Variants in SPINT1 observed in about 807,000 individuals in gnomAD.
The protein encoded by SPINT1 is serine peptidase inhibitor, Kunitz type 1.
In SPINT1, 38 loss-of-function variants were observed where a neutral mutation model predicts 53.7. That is an observed-to-expected ratio of 0.71 (90% CI 0.55 to 0.93). SPINT1 has a LOEUF of 0.93. Among genes scored for constraint, SPINT1 ranks in the 40% least tolerant of loss-of-function variants. SPINT1 has a pLI of 0.00. For synonymous variants in SPINT1, 283 were observed against 280.6 expected (o/e 1.01, Z -0.08); for missense variants, 645 against 692.9 (o/e 0.93, Z 0.78).
intron 2 of SPINT1, among the ~76,000 whole-genome samples, chr15:40,850,581 A>G (rs1891427133): frequency 6.6e-6 from 1 of 152,124 alleles, no homozygotes; most frequent in Non-Finnish European, 1.5e-5. Flanking sequence ...AACTTCTCTT[A>G]TGACTTAACC....
chr15:40,846,395 G>A (rs1891298494), intron 2 of SPINT1, among the ~76,000 whole-genome samples: 1 of 152,090 alleles, frequency 6.6e-6, no homozygotes, highest in South Asian at 2.1e-4. Flanking sequence ...TCTCACTCAG[G>A]CCTCATCACA....
Position 40,854,500 on chromosome 15 carries a change from C to T in SPINT1, c.1044C>T (p.Ser348=), listed in dbSNP as rs1245034856. The stretch of plus-strand genomic sequence containing the variant: ...ACACCCCCAACTGCCCCGACGCCTC[C>T]GACGAGGCTGCCTGTGAAAAATGTG... ...CDDTPNCPDA[S]DEAACEKYTS... The change falls in exon 7 of 11, where the codon TCC becomes TCT. Residue 348 remains serine, a synonymous_variant. Transcript: ENST00000562057. 5 of 1,613,334 alleles carry T rather than the reference C, an allele frequency of 3.1e-6. No individual in the cohort carries two copies. Among genetic ancestry groups the T allele is most frequent in the Middle Eastern group, 1.6e-4 (1 of 6,076 alleles).
intron 2 of SPINT1, among the ~76,000 whole-genome samples, chr15:40,848,982 C>T (rs1305790726): frequency 1.3e-5 from 2 of 148,756 alleles, no homozygotes; most frequent in Admixed American, 6.7e-5. Flanking sequence ...CGCGGTGGGT[C>T]ACGCCTGTAA....
At chr15:40,851,195 C>T (rs1566855036) in intron 2 of SPINT1, among the ~76,000 whole-genome samples, 1 of 151,434 alleles carries the variant, frequency 6.6e-6, no homozygotes, top group Non-Finnish European at 1.5e-5. Context: ...TGCTCTGTTG[C>T]CAGGCTGGAG....
intron 2 of SPINT1, among the ~76,000 whole-genome samples, chr15:40,849,974 G>A (rs1891409186): frequency 6.6e-6 from 1 of 152,248 alleles, no homozygotes; most frequent in Non-Finnish European, 1.5e-5. Context: ...ACATGTAAAT[G>A]TGTGGGCAAG....
intron 8 of SPINT1, 48 bp downstream of exon 8, chr15:40,854,737 C>A: frequency 6.2e-7 from 1 of 1,607,088 alleles, no homozygotes; most frequent in Non-Finnish European, 8.5e-7. Context: ...GCTGACACTG[C>A]CATCCTCACT....
At chr15:40,851,290 A>G (rs1050503747) in intron 2 of SPINT1, among the ~76,000 whole-genome samples, 2 of 151,644 alleles carry the variant, frequency 1.3e-5, no homozygotes, top group African/African-American at 4.8e-5. Context: ...AGTAGCTGGG[A>G]TTACAGACAT....
chr15:40,853,555 G>C lies in SPINT1; in HGVS notation c.670G>C (p.Val224Leu). 2 of 1,614,086 alleles carry C rather than the reference G, an allele frequency of 1.2e-6. No homozygotes were observed. The highest frequency in any genetic ancestry group is 2.2e-5 in the South Asian group (2 of 91,076). ...AGGCACCTACCTGTTCCAGCTGACA[G>C]TGACTAGCTCAGACCACCCAGAGGA... ...KEGTYLFQLT[V>L]TSSDHPEDTA... The change falls in exon 4 of 11, where the codon GTG becomes CTG. Residue 224 changes from valine (V) to leucine (L), a missense_variant. Physicochemically the swap from Val to Leu is conservative, Grantham distance 32. Coordinates refer to ENST00000562057, the MANE Select transcript of SPINT1 (RefSeq NM_003710.4).
At chr15:40,849,200 C>G (rs969998046) in intron 2 of SPINT1, among the ~76,000 whole-genome samples, 1 of 151,232 alleles carries the variant, frequency 6.6e-6, no homozygotes, top group Non-Finnish European at 1.5e-5. Context: ...GAGCCAAGAT[C>G]ACGCCACTGC....
chr15:40,854,813 G>T lies in SPINT1; in HGVS notation c.1117+124G>T, dbSNP rs1162396990. On this transcript the variant is annotated intron_variant, in intron 8 of 10. Coordinates refer to ENST00000562057, the MANE Select transcript of SPINT1 (RefSeq NM_003710.4). ...GGGCCTGTGGGCACAAAGAGCCAGGGTGGGCTCCCCGTTCTCCAGATGGCT... is the reference window on the plus strand; with the variant it reads ...GGGCCTGTGGGCACAAAGAGCCAGGTTGGGCTCCCCGTTCTCCAGATGGCT... 3 of 1,252,854 alleles carry T rather than the reference G, an allele frequency of 2.4e-6. No homozygotes were observed. In the African/African-American group the frequency reaches 4.5e-5, roughly 19 times the overall value. 77.6% of individuals were successfully genotyped at this position (1,252,854 alleles called of 1,614,324 possible). A position where few individuals can be genotyped will look rare whatever the true frequency, so the allele number is the denominator to read the frequency against.
intron 2 of SPINT1, among the ~76,000 whole-genome samples, chr15:40,847,129 A>G (rs1891320418): frequency 6.6e-6 from 1 of 152,182 alleles, no homozygotes; most frequent in Non-Finnish European, 1.5e-5. Flanking sequence ...GTTTGCCACA[A>G]GAGAGGGTGG....
Position 40,853,854 on chromosome 15 carries a change from T to C in SPINT1, c.886T>C (p.Cys296Arg). 1 of 1,613,996 alleles carries C rather than the reference T, an allele frequency of 6.2e-7. No homozygotes were observed. Among genetic ancestry groups the C allele is most frequent in the Non-Finnish European group, 8.5e-7 (1 of 1,179,998 alleles). The change falls in exon 5 of 11, where the codon TGC (cysteine) becomes CGC (arginine). Residue 296 changes from cysteine (C) to arginine (R), a missense_variant. Cys to Arg is a radical substitution (Grantham distance 180). Transcript: ENST00000562057. ...NKNNYLREEE[C>R]ILACRGVQGP... ...GAACAACTACCTTCGGGAAGAAGAG[T>C]GCATTCTAGCCTGTCGGGGTGTGCA... is the stretch of plus-strand genomic sequence containing the variant.
intron 2 of SPINT1, among the ~76,000 whole-genome samples, chr15:40,845,318 ATTTTT>A (rs34480117): frequency 0.064 from 3,703 of 57,984 alleles, 73 homozygotes; most frequent in Non-Finnish European, 0.085. Context: ...GACCCGGCTA[ATTTTT>A]TTTTTTTTTT....
Position 40,857,133 on chromosome 15 carries a change from A to C in SPINT1, c.*158A>C. ...GCCCCTCTTGGAGAAGTCTCAGCTAAGCTCACGTCCTGAGAAAGCTCAAAG... is the reference window on the plus strand; with the variant it reads ...GCCCCTCTTGGAGAAGTCTCAGCTACGCTCACGTCCTGAGAAAGCTCAAAG... On this transcript the variant is annotated 3_prime_UTR_variant, in exon 11 of 11. Coordinates refer to ENST00000562057, the MANE Select transcript of SPINT1 (RefSeq NM_003710.4). 1 of 983,258 alleles carries C rather than the reference A, an allele frequency of 1.0e-6. No homozygotes were observed. Among genetic ancestry groups the C allele is most frequent in the African/African-American group, 1.6e-5 (1 of 61,040 alleles). 60.9% of individuals were successfully genotyped at this position (983,258 alleles called of 1,614,324 possible). A position where few individuals can be genotyped will look rare whatever the true frequency, so the allele number is the denominator to read the frequency against.
chr15:40,854,788 G>A (rs549527089), intron 8 of SPINT1, 99 bp downstream of exon 8: 15 of 1,464,134 alleles, frequency 1.0e-5, no homozygotes, highest in South Asian at 5.7e-5. Flanking sequence ...CTGGGTGTAC[G>A]GGCCTGTGGG....
At chr15:40,850,001 T>C (rs1434124861) in intron 2 of SPINT1, among the ~76,000 whole-genome samples, 2 of 152,232 alleles carry the variant, frequency 1.3e-5, no homozygotes, top group Non-Finnish European at 2.9e-5. Flanking sequence ...TTCCAATCGA[T>C]GGACACAAAT....
intron 2 of SPINT1, among the ~76,000 whole-genome samples, chr15:40,847,610 TC>T (rs1891334296): frequency 1.3e-5 from 2 of 152,120 alleles, no homozygotes; most frequent in South Asian, 4.1e-4. Flanking sequence ...TTCCCTGAGG[TC>T]CTGAGACCTG....
chr15:40,856,715 G>A, intron 10 of SPINT1, 55 bp from the exon 11 acceptor site: 3 of 1,607,334 alleles, frequency 1.9e-6, no homozygotes, highest in Admixed American at 1.7e-5. Flanking sequence ...TTGGGGGTGG[G>A]TGTCAGAACC....
intron 8 of SPINT1, among the ~76,000 whole-genome samples, chr15:40,855,353 C>T (rs1397057951): frequency 6.6e-6 from 1 of 152,182 alleles, no homozygotes; most frequent in African/African-American, 2.4e-5. Context: ...TGCACCTCAG[C>T]CTGGGCAACA....
Sources: allele counts gnomAD v4.1 joint callset (sites outside exome capture counted in the v4.1 genomes callset), GRCh38; gene constraint gnomAD v4.1.1; transcripts MANE v1.5; gene names NCBI Gene and HGNC (gene_info 2026-07-23, HGNC 2026-07-21).